COL6A3: variants seen among roughly 807,000 people sequenced by gnomAD.
COL6A3 encodes collagen type VI alpha 3 chain.
Under a neutral mutation model 274.1 loss-of-function variants are expected in COL6A3, and 137 were observed. The observed-to-expected ratio is 0.50, with a 90% CI of 0.44 to 0.58. The LOEUF is 0.58. COL6A3 is among the 20% of genes least tolerant of loss of function. COL6A3 has a pLI of 0.00. For synonymous variants in COL6A3, 1,650 were observed against 1,650.6 expected, an observed-to-expected ratio of 1.00 and a Z score of 0.01; for missense variants, 3,950 against 4,124.9, an observed-to-expected ratio of 0.96 and a Z score of 1.16.
intron 27 of COL6A3, among the ~76,000 whole-genome samples, 187 bp downstream of exon 27, chr2:237,350,943 G>A (rs1435636968): frequency 6.6e-6 from 1 of 152,200 alleles, no homozygotes; most frequent in African/African-American, 2.4e-5. Flanking sequence ...GATGGTGGTG[G>A]GAATTATGGT....
chr2:237,411,503 A>G (rs898113211), intron 1 of COL6A3, among the ~76,000 whole-genome samples: 2 of 152,202 alleles, frequency 1.3e-5, no homozygotes, highest in South Asian at 2.1e-4. Flanking sequence ...TCTTGTTTCA[A>G]GCTGGCTTTA....
chr2:237,391,658 G>A lies in COL6A3; in HGVS notation c.709+2929C>T, dbSNP rs529945378. On this transcript the variant is annotated intron_variant, in intron 3 of 43. Transcript: ENST00000295550. ...AGCGATTCTCCTGCCTCAGCCTCCC[G>A]GGATTACAGACGCCCACCACCACAC... 4.0e-4 allele frequency among the ~76,000 whole-genome samples: 61 copies of A among 151,982 alleles called. No homozygotes were observed. The South Asian group carries it at 6.9e-3, about 17-fold the overall frequency.
intron 17 of COL6A3, 59 bp from the exon 18 acceptor site, chr2:237,359,447 C>T (rs1437262935): frequency 3.8e-6 from 6 of 1,583,492 alleles, no homozygotes; most frequent in Non-Finnish European, 5.2e-6. Flanking sequence ...GTCCCTCGGG[C>T]AGAAGAGGCC....
rs1226664855 is a variant in COL6A3, at chr2:237,325,704, C to T, written c.9349G>A (p.Asp3117Asn). 6.8e-6 allele frequency: 11 copies of T among 1,613,960 alleles called. No homozygotes were observed. The East Asian group carries it at 2.5e-4, about 36-fold the overall frequency. ...TETDICKLPK[D>N]EGTCRDFILK... is the part of the protein sequence containing the mutation. ...ATGAAATCCCTGCAAGTTCCTTCGT[C>T]TTTCGGCAACTTGCATATATCTTTA... Residue 3117 changes from aspartate (D) to asparagine (N), a missense_variant, in exon 43 of 44, where the codon GAC becomes AAC. Physicochemically the swap from Asp to Asn is conservative, Grantham distance 23. Transcript: ENST00000295550.
In COL6A3 at chr2:237,357,894, A is replaced by G. The variant is rs756947013; in HGVS notation, c.6472-12T>C. On this transcript the variant is annotated splice_polypyrimidine_tract_variant and intron_variant, in intron 21 of 43. Transcript: ENST00000295550. Reference sequence around the variant, plus strand: ...TGTCCTGGGTTACCCTGAAAGCAACATGGGAAAGGGAAATGAGCCACATAT... The same window carrying G: ...TGTCCTGGGTTACCCTGAAAGCAACGTGGGAAAGGGAAATGAGCCACATAT... The G allele has an allele frequency of 1.9e-6, 3 of 1,613,698 alleles. No individual in the cohort carries two copies. The African/African-American group carries it at 4.0e-5, about 22-fold the overall frequency.
chr2:237,325,914 C>T (rs1699918981), intron 42 of COL6A3, 190 bp from the exon 43 acceptor site: 4 of 554,770 alleles, frequency 7.2e-6, no homozygotes, highest in Non-Finnish European at 1.3e-5. Flanking sequence ...GAATTGCTTA[C>T]AGCCTTGTGA....
In COL6A3 at chr2:237,368,221, T is replaced by TAG. The variant is rs2077599438; in HGVS notation, c.4900+340_4900+341dup. ...TGGACTATATTGGGCATCTGGCCAG[T>TAG]AGGCATGGGCCAACTTCAAAGTCAC... On this transcript the variant is annotated intron_variant, in intron 10 of 43. Transcript: ENST00000295550. The surrounding 1 kb of genome is among the most constrained non-coding windows in gnomAD (Gnocchi z 4.4). 6.6e-6 allele frequency among the ~76,000 whole-genome samples: 1 copy of TAG among 152,168 alleles called. No homozygotes were observed. The highest frequency in any genetic ancestry group is 1.5e-5 in the Non-Finnish European group (1 of 68,030).
chr2:237,324,672 G>T lies in COL6A3; in HGVS notation c.*102C>A. ...TCGAGTGTAAATCAAAGCATGAAAT[G>T]ATACAGTGCAAGGGAATCTACACCC... is the stretch of plus-strand genomic sequence containing the variant. On this transcript the variant is annotated 3_prime_UTR_variant, in exon 44 of 44. Transcript: ENST00000295550. The T allele has an allele frequency of 9.6e-7, 1 of 1,040,710 alleles. No homozygotes were observed. Among genetic ancestry groups the T allele is most frequent in the Non-Finnish European group, 1.5e-6 (1 of 670,058 alleles). The allele number at this position is 1,040,710 out of a possible 1,614,324, so 64.5% of individuals were successfully genotyped here.
At chr2:237,403,700 G>A (rs1173379743) in intron 1 of COL6A3, among the ~76,000 whole-genome samples, 2 of 152,038 alleles carry the variant, frequency 1.3e-5, no homozygotes, top group Admixed American at 6.5e-5. Flanking sequence ...AGTCTCCAGT[G>A]CTTGTGCTGT....
At chr2:237,335,834 G>A (rs1345992213) in intron 40 of COL6A3, among the ~76,000 whole-genome samples, 1 of 152,096 alleles carries the variant, frequency 6.6e-6, no homozygotes, top group African/African-American at 2.4e-5. Context: ...ATTTCAACAC[G>A]GAAACTTTTC....
chr2:237,336,880 C>T (rs1360392239), intron 39 of COL6A3, among the ~76,000 whole-genome samples: 1 of 152,160 alleles, frequency 6.6e-6, no homozygotes, highest in Non-Finnish European at 1.5e-5. Flanking sequence ...CCAAAACATA[C>T]ACCAAAAATT....
At chr2:237,404,648 T>A (rs902428395) in intron 1 of COL6A3, among the ~76,000 whole-genome samples, 9 of 152,174 alleles carry the variant, frequency 5.9e-5, no homozygotes, top group Non-Finnish European at 1.3e-4. Context: ...CACAAGTGAA[T>A]TATGCCTTGA....
chr2:237,368,534 T>G lies in COL6A3; in HGVS notation c.4900+29A>C. The G allele has an allele frequency of 1.2e-6, 2 of 1,612,568 alleles. No individual in the cohort carries two copies. Among genetic ancestry groups the G allele is most frequent in the Non-Finnish European group, 1.7e-6 (2 of 1,178,868 alleles). ...TAAAAAAAAAATGTTGATGTCACAC[T>G]CTGTAGTCATGGGTCACACGGTGCA... On this transcript the variant is annotated intron_variant, in intron 10 of 43. Transcript: ENST00000295550. The surrounding 1 kb of genome is among the most constrained non-coding windows in gnomAD (Gnocchi z 4.4).
rs904372024 is a variant in COL6A3 at position 237,368,698 on chromosome 2, C to T, written c.4765G>A (p.Asp1589Asn). ...CGCACTGTGAAGACCAGTCTGGGGT[C>T]ATTGGTGATGGTCTGCAGCTCTGTT... ...DRTELQTITN[D>N]PRLVFTVREF... Residue 1589 changes from aspartate to asparagine, a missense_variant, in exon 10 of 44, where the codon GAC (aspartate) becomes AAC (asparagine). By Grantham distance (23) the Asp-to-Asn change is conservative. Coordinates refer to ENST00000295550, the MANE Select transcript of COL6A3 (RefSeq NM_004369.4). The surrounding 1 kb of genome is among the most constrained non-coding windows in gnomAD (Gnocchi z 4.4). 5 of 1,613,972 alleles carry T rather than the reference C, an allele frequency of 3.1e-6. No individual in the cohort carries two copies. In the Admixed American group the frequency reaches 6.7e-5, roughly 22 times the overall value.
chr2:237,389,461 G>A (rs2078233558), intron 3 of COL6A3, among the ~76,000 whole-genome samples: 1 of 152,168 alleles, frequency 6.6e-6, no homozygotes, highest in African/African-American at 2.4e-5. Flanking sequence ...TTATAGGTAA[G>A]ACCATTCACT....
intron 37 of COL6A3, 31 bp downstream of exon 37, chr2:237,342,034 A>G (rs1219074852): frequency 1.3e-6 from 2 of 1,576,230 alleles, no homozygotes; most frequent in Admixed American, 1.7e-5. Flanking sequence ...ATTGCAGCTG[A>G]GCAGATCTTC....
intron 5 of COL6A3, among the ~76,000 whole-genome samples, chr2:237,380,155 A>G (rs2077965509): frequency 6.6e-6 from 1 of 152,226 alleles, no homozygotes; most frequent in South Asian, 2.1e-4. Context: ...ATAGAAGACC[A>G]GGGAGTGTGA....
At chr2:237,330,895 C>A (rs1213023146) in intron 42 of COL6A3, among the ~76,000 whole-genome samples, 1 of 152,192 alleles carries the variant, frequency 6.6e-6, no homozygotes, top group Non-Finnish European at 1.5e-5. Context: ...CCTACAAATT[C>A]CTTCACAGAT....
chr2:237,354,472 C>A (rs1024791593), intron 24 of COL6A3, among the ~76,000 whole-genome samples: 8 of 152,148 alleles, frequency 5.3e-5, no homozygotes, highest in Non-Finnish European at 8.8e-5. Flanking sequence ...TTCACTAAGC[C>A]TAACTAAGGC....
Sources: allele counts gnomAD v4.1 joint callset (sites outside exome capture counted in the v4.1 genomes callset), GRCh38; gene constraint gnomAD v4.1.1; non-coding constraint Gnocchi (gnomAD v3.1); transcripts MANE v1.5; gene names NCBI Gene and HGNC (gene_info 2026-07-23, HGNC 2026-07-21).